Variants in PTPRQ observed in about 807,000 individuals in gnomAD.
PTPRQ encodes protein tyrosine phosphatase receptor type Q, also known as phosphatidylinositol phosphatase PTPRQ.
PTPRQ carries 199 observed loss-of-function variants against 246.0 expected under a neutral mutation model. That is an observed-to-expected ratio of 0.81 (90% CI 0.72 to 0.91). PTPRQ has a LOEUF of 0.91. Ranked by LOEUF, PTPRQ falls within the 40% of genes least tolerant of loss-of-function variation. The pLI, the probability that PTPRQ is intolerant of heterozygous loss-of-function variation, is 0.00. For missense variants in PTPRQ, 2,624 were observed against 2,528.4 expected (o/e 1.04, Z -0.81); for synonymous variants, 869 against 853.2 (o/e 1.02, Z -0.32).
At chr12:80,493,908 T>C (rs1212112468) in intron 10 of PTPRQ, among the ~76,000 whole-genome samples, 1 of 152,018 alleles carries the variant, frequency 6.6e-6, no homozygotes, top group African/African-American at 2.4e-5. Flanking sequence ...TGTGGTGATG[T>C]CATTAGTGTA....
rs1354622826 is a variant in PTPRQ at position 80,499,074 on chromosome 12, C to A, written c.2272+2543C>A. ...ATTTTTTAGGTGAGAAGACCTAGGACCATTTGGGTAAAAGGACTCACAAGT... is the reference window on the plus strand; with the variant it reads ...ATTTTTTAGGTGAGAAGACCTAGGAACATTTGGGTAAAAGGACTCACAAGT... On this transcript the variant is annotated intron_variant, in intron 14 of 44. Coordinates refer to ENST00000644991, the MANE Select transcript of PTPRQ (RefSeq NM_001145026.2). 4.6e-5 allele frequency among the ~76,000 whole-genome samples: 7 copies of A among 151,318 alleles called. No homozygotes were observed. In the East Asian group the frequency reaches 1.2e-3, roughly 25 times the overall value.
chr12:80,469,175 T>A (rs1270781797), intron 7 of PTPRQ, among the ~76,000 whole-genome samples: 1 of 152,200 alleles, frequency 6.6e-6, no homozygotes, highest in African/African-American at 2.4e-5. Context: ...AACAATGGAC[T>A]TTGACTATAT....
intron 6 of PTPRQ, 109 bp from the exon 7 acceptor site, chr12:80,468,601 G>T: frequency 4.4e-6 from 5 of 1,132,248 alleles, no homozygotes; most frequent in South Asian, 5.4e-5. Context: ...GCTTTTAAGC[G>T]CGATATTTTA....
At position 80,548,647 on chromosome 12, in the gene PTPRQ, TAATCCACA is replaced by T. The variant is rs201255916; in HGVS notation, c.4016-814_4016-807del. Among the ~76,000 whole-genome samples, 935 of 152,238 alleles carry T rather than the reference TAATCCACA, an allele frequency of 6.1e-3. 30 individuals carry two copies. Among genetic ancestry groups the T allele is most frequent in the Non-Finnish European group, 1.3e-3 (89 of 67,976 alleles). ...ATTTTCTTTCAATTTTCATTGTTTG[TAATCCACA>T]AATTGACTGTGTCCCAATTTTTCTT... On this transcript the variant is annotated intron_variant, in intron 24 of 44. Transcript: ENST00000644991.
At chr12:80,500,772 A>C (rs1894774564) in intron 14 of PTPRQ, among the ~76,000 whole-genome samples, 1 of 152,040 alleles carries the variant, frequency 6.6e-6, no homozygotes, top group African/African-American at 2.4e-5. Flanking sequence ...TAGCTGTAGC[A>C]GTAAACAAGA....
At chr12:80,678,255 C>G (rs1472591386) in intron 43 of PTPRQ, among the ~76,000 whole-genome samples, 2 of 152,090 alleles carry the variant, frequency 1.3e-5, no homozygotes, top group Non-Finnish European at 2.9e-5. Context: ...AACAAGAAAA[C>G]TGTAAGAGAA....
At chr12:80,482,402 G>C (rs926699253) in intron 8 of PTPRQ, among the ~76,000 whole-genome samples, 12 of 152,096 alleles carry the variant, frequency 7.9e-5, no homozygotes, top group African/African-American at 2.9e-4. Context: ...TTAAATGTCA[G>C]ACCTAAAACC....
At chr12:80,571,642 T>C (rs1278142058) in intron 25 of PTPRQ, among the ~76,000 whole-genome samples, 2 of 152,218 alleles carry the variant, frequency 1.3e-5, no homozygotes, top group African/African-American at 2.4e-5. Flanking sequence ...ATTCTAGAAA[T>C]GTTATAGTTT....
At chr12:80,630,453 G>C (rs2121163743) in intron 33 of PTPRQ, among the ~76,000 whole-genome samples, 1 of 152,222 alleles carries the variant, frequency 6.6e-6, no homozygotes, top group East Asian at 1.9e-4. Flanking sequence ...TTGCTCACTA[G>C]ATCAAAATAC....
At position 80,669,393 on chromosome 12, in the gene PTPRQ, G is replaced by C; in HGVS notation, c.6382G>C (p.Asp2128His). Residue 2128 changes from aspartate (D) to histidine (H), a missense_variant, in exon 41 of 45, where the codon GAT becomes CAT. Asp to His is a moderately conservative substitution (Grantham distance 81, BLOSUM62 -1). Coordinates refer to ENST00000644991, the MANE Select transcript of PTPRQ (RefSeq NM_001145026.2). Reference sequence around the variant, plus strand: ...CAACAAGCCAGTTACTGTCTTTGGAGATATAGTGATTACAAAGCTAATGGA... The same window carrying C: ...CAACAAGCCAGTTACTGTCTTTGGACATATAGTGATTACAAAGCTAATGGA... The part of the protein sequence containing the change: ...EDNKPVTVFG[D>H]IVITKLMEDV... The C allele has an allele frequency of 6.5e-7, 1 of 1,547,976 alleles. No individual in the cohort carries two copies.
At position 80,496,513 on chromosome 12, in the gene PTPRQ, G is replaced by A. The variant is rs1343056571; in HGVS notation, c.2254G>A (p.Val752Ile). 1.9e-6 allele frequency: 3 copies of A among 1,542,134 alleles called. No individual in the cohort carries two copies. The highest frequency in any genetic ancestry group is 1.7e-6 in the Non-Finnish European group (2 of 1,144,206). Residue 752 changes from valine (V) to isoleucine (I), a missense_variant, in exon 14 of 45, where the codon GTA becomes ATA. Coordinates refer to ENST00000644991, the MANE Select transcript of PTPRQ (RefSeq NM_001145026.2). ...HGNQVSSLLS[V>I]RTSETVPDSA... ...CAATCAGGTATCTTCTTTACTCTCTGTAAGGACTTCGGAGACTGGTGAGCT... is the reference window on the plus strand; with the variant it reads ...CAATCAGGTATCTTCTTTACTCTCTATAAGGACTTCGGAGACTGGTGAGCT...
intron 14 of PTPRQ, among the ~76,000 whole-genome samples, chr12:80,499,766 CTGTGTG>C (rs150219133): frequency 6.7e-6 from 1 of 150,362 alleles, no homozygotes; most frequent in Non-Finnish European, 1.5e-5. Flanking sequence ...AAGATTGATT[CTGTGTG>C]TGTGTGTGTG....
intron 25 of PTPRQ, among the ~76,000 whole-genome samples, chr12:80,573,760 T>A (rs1897212548): frequency 6.6e-6 from 1 of 152,194 alleles, no homozygotes; most frequent in Non-Finnish European, 1.5e-5. Flanking sequence ...TCTTAATAAG[T>A]GTTTATGAAA....
chr12:80,541,972 A>G (rs1475541871), intron 21 of PTPRQ, 117 bp from the exon 22 acceptor site: 1 of 1,466,072 alleles, frequency 6.8e-7, no homozygotes, highest in Non-Finnish European at 9.0e-7. Flanking sequence ...CCTTTCAATA[A>G]ACACAGTGTT....
Position 80,539,778 on chromosome 12 carries a change from T to C in PTPRQ, c.2988T>C (p.Asn996=), listed in dbSNP as rs1416987630. The change falls in exon 20 of 45, where the codon AAT becomes AAC. Residue 996 remains asparagine (N), a splice_region_variant and synonymous_variant. Transcript: ENST00000644991. The part of the protein sequence containing the change: ...YRNTSGTFMQ[N]FTLHEVTNDF... ...CAATGAATGTGTTTATTTTTCAGAA[T>C]TTTACACTCCATGAAGTAACCAATG... 7.9e-6 allele frequency: 12 copies of C among 1,528,258 alleles called. No individual in the cohort carries two copies. Among genetic ancestry groups the C allele is most frequent in the Non-Finnish European group, 8.8e-7 (1 of 1,138,890 alleles). The allele number at this position is 1,528,258 out of a possible 1,614,324, so 94.7% of individuals were successfully genotyped here. A position where few individuals can be genotyped will look rare whatever the true frequency, so the allele number is the denominator to read the frequency against.
At chr12:80,573,180 A>AT (rs1434424246) in intron 25 of PTPRQ, among the ~76,000 whole-genome samples, 1 of 152,118 alleles carries the variant, frequency 6.6e-6, no homozygotes, top group Non-Finnish European at 1.5e-5. Context: ...AACTACTCAT[A>AT]CTTTCTTTTT....
chr12:80,449,768 G>C (rs1374565930), intron 3 of PTPRQ, among the ~76,000 whole-genome samples: 1 of 152,094 alleles, frequency 6.6e-6, no homozygotes, highest in Non-Finnish European at 1.5e-5. Flanking sequence ...ATGCTGTTTT[G>C]GTTACTGTAG....
At chr12:80,475,808 A>G (rs1893791965) in intron 8 of PTPRQ, among the ~76,000 whole-genome samples, 1 of 152,058 alleles carries the variant, frequency 6.6e-6, no homozygotes, top group Non-Finnish European at 1.5e-5. Flanking sequence ...AGTATTGAAT[A>G]TATAGAATAT....
chr12:80,585,538 A>G (rs943980943), intron 25 of PTPRQ, among the ~76,000 whole-genome samples: 9 of 152,092 alleles, frequency 5.9e-5, no homozygotes, highest in Non-Finnish European at 1.5e-5. Flanking sequence ...CTCTGCTCAA[A>G]TGAAAGCCAT....
Sources: allele counts gnomAD v4.1 joint callset (sites outside exome capture counted in the v4.1 genomes callset), GRCh38; gene constraint gnomAD v4.1.1; transcripts MANE v1.5; gene names NCBI Gene and HGNC (gene_info 2026-07-23, HGNC 2026-07-21).